The following SLC5A10 variants were observed in gnomAD, a reference collection of about 807,000 sequenced individuals.
SLC5A10 encodes sodium/mannose cotransporter SLC5A10.
Under a neutral mutation model 68.9 loss-of-function variants are expected in SLC5A10, and 55 were observed. That is an observed-to-expected ratio of 0.80 (90% CI 0.64 to 1.00). The LOEUF is 1.00. Ranked by LOEUF, SLC5A10 falls within the 50% of genes least tolerant of loss-of-function variation. The pLI is 0.00. For synonymous variants in SLC5A10, 344 were observed against 344.8 expected (o/e 1.00, Z 0.02); for missense variants, 732 against 819.3 (o/e 0.89, Z 1.30).
intron 10 of SLC5A10, 68 bp from the exon 11 acceptor site, chr17:19,014,981 C>T (rs946597184): frequency 2.4e-5 from 37 of 1,554,672 alleles, no homozygotes; most frequent in Non-Finnish European, 3.0e-5. Context: ...CATTAGAGCC[C>T]AGGCGGGAGG....
intron 1 of SLC5A10, among the ~76,000 whole-genome samples, chr17:18,955,838 G>T (rs2042486916): frequency 6.6e-6 from 1 of 152,216 alleles, no homozygotes; most frequent in African/African-American, 2.4e-5. Flanking sequence ...GAGATGGGGA[G>T]ATCACGTGAG....
At chr17:18,984,709 C>T (rs2043225525) in intron 9 of SLC5A10, among the ~76,000 whole-genome samples, 1 of 152,260 alleles carries the variant, frequency 6.6e-6, no homozygotes, top group Non-Finnish European at 1.5e-5. Context: ...CCCAGCCTGT[C>T]TCTGGTTGGC....
chr17:19,006,677 C>A (rs2043899857), intron 9 of SLC5A10, among the ~76,000 whole-genome samples: 1 of 152,200 alleles, frequency 6.6e-6, no homozygotes, highest in Non-Finnish European at 1.5e-5. Flanking sequence ...TAGCCATCCC[C>A]ACACCTCCCC....
At chr17:19,010,219 G>A (rs568075262) in intron 9 of SLC5A10, among the ~76,000 whole-genome samples, 2 of 152,294 alleles carry the variant, frequency 1.3e-5, no homozygotes, top group East Asian at 3.9e-4. Context: ...GGCACAGCAA[G>A]GAGGTAGTGC....
intron 1 of SLC5A10, chr17:18,953,583 G>A (rs4924949): frequency 0.5 from 76,728 of 152,444 alleles, 19,722 homozygotes; most frequent in African/African-American, 0.62. Context: ...TGCTATCAAG[G>A]GGCCCACACA....
intron 9 of SLC5A10, among the ~76,000 whole-genome samples, chr17:18,983,427 G>C (rs1180615239): frequency 3.3e-5 from 5 of 152,228 alleles, no homozygotes; most frequent in African/African-American, 4.8e-5. Context: ...TTTTATAATG[G>C]AAGCCAGTGA....
At chr17:18,957,415 G>T (rs1249065917) in intron 1 of SLC5A10, among the ~76,000 whole-genome samples, 1 of 152,152 alleles carries the variant, frequency 6.6e-6, no homozygotes, top group Non-Finnish European at 1.5e-5. Context: ...TATAAAAGTT[G>T]AGATAAAATT....
chr17:18,981,616 G>T lies in SLC5A10; in HGVS notation c.982+4627G>T, dbSNP rs149363891. ...TTCCGTGTCCCAGACCCCTGTGGCT[G>T]GGGTGGCCCCAGGCAAGCAACCACA... On this transcript the variant is annotated intron_variant, in intron 9 of 14. Coordinates refer to ENST00000395645, the MANE Select transcript of SLC5A10 (RefSeq NM_001042450.4). Among the ~76,000 whole-genome samples the T allele has an allele frequency of 4.2e-3, 644 of 152,330 alleles. 11 individuals carry two copies. The highest frequency in any genetic ancestry group is 0.036 in the Admixed American group (552 of 15,310).
At chr17:19,015,465 T>C (rs1230132539) in intron 11 of SLC5A10, among the ~76,000 whole-genome samples, 1 of 152,100 alleles carries the variant, frequency 6.6e-6, no homozygotes, top group Non-Finnish European at 1.5e-5. Flanking sequence ...TCCCCAACCA[T>C]GCCACAGATC....
At chr17:18,952,523 T>A in intron 1 of SLC5A10, 1 of 554,140 alleles carries the variant, frequency 1.8e-6, no homozygotes, top group Non-Finnish European at 3.1e-6. Flanking sequence ...GGCGTCTCCA[T>A]CTGCAAAGTG....
rs999491495 is a variant in SLC5A10, at chr17:19,016,802, A to G, written c.1241+1603A>G. ...CCTCAGAAGCTGTGTGGCCTGGGGAAGACCCTGCCCCTCTCTGACCATGTG... is the reference window on the plus strand; with the variant it reads ...CCTCAGAAGCTGTGTGGCCTGGGGAGGACCCTGCCCCTCTCTGACCATGTG... On this transcript the variant is annotated intron_variant, in intron 11 of 14. Coordinates refer to ENST00000395645, the MANE Select transcript of SLC5A10 (RefSeq NM_001042450.4). Among the ~76,000 whole-genome samples, 5 of 152,212 alleles carry G rather than the reference A, an allele frequency of 3.3e-5. No homozygotes were observed. The South Asian group carries it at 1.0e-3, about 32-fold the overall frequency.
intron 9 of SLC5A10, among the ~76,000 whole-genome samples, chr17:18,999,424 G>T (rs1485589601): frequency 1.3e-5 from 2 of 152,222 alleles, no homozygotes. Flanking sequence ...CTCAGGGCCT[G>T]CAGACTGGGG....
chr17:19,007,235 T>C (rs1472959214), intron 9 of SLC5A10, among the ~76,000 whole-genome samples: 1 of 149,684 alleles, frequency 6.7e-6, no homozygotes, highest in Non-Finnish European at 1.5e-5. Flanking sequence ...GTAGATCATA[T>C]CTTATTGTGG....
chr17:19,001,203 C>T (rs1254987620), intron 9 of SLC5A10, among the ~76,000 whole-genome samples: 2 of 152,254 alleles, frequency 1.3e-5, no homozygotes, highest in South Asian at 4.1e-4. Context: ...CCACACAAGC[C>T]TGGGCCACAG....
intron 9 of SLC5A10, among the ~76,000 whole-genome samples, chr17:19,008,813 ATTTTTT>A (rs1207007118): frequency 6.8e-6 from 1 of 146,060 alleles, no homozygotes; most frequent in South Asian, 2.1e-4. Flanking sequence ...TATTATTATT[ATTTTTT>A]TTTTTTTTTT....
intron 9 of SLC5A10, among the ~76,000 whole-genome samples, chr17:19,006,143 C>T (rs935731008): frequency 2.0e-4 from 30 of 152,188 alleles, no homozygotes; most frequent in African/African-American, 6.8e-4. Context: ...TCCCCAGTAG[C>T]GACGTTTTGC....
Position 19,003,474 on chromosome 17 carries a change from G to C in SLC5A10, c.983-9936G>C, listed in dbSNP as rs776509968. 1.5e-5 allele frequency: 22 copies of C among 1,498,554 alleles called. 1 individual carries two copies. In the East Asian group the frequency reaches 5.0e-4, roughly 34 times the overall value. The allele number at this position is 1,498,554 out of a possible 1,614,324, so 92.8% of individuals were successfully genotyped here. On this transcript the variant is annotated intron_variant, in intron 9 of 14. Transcript: ENST00000395645. The surrounding 1 kb of genome is among the most constrained non-coding windows in gnomAD (Gnocchi z 4.5). ...AGTGAGCCTGTATTGAGAGGGGTCC[G>C]GTGGCTGGTTGGGCCATGGCTCCAG...
intron 13 of SLC5A10, 44 bp from the exon 14 acceptor site, chr17:19,020,111 T>TCCCCTCCCCCCCCC: frequency 3.6e-6 from 1 of 276,316 alleles, no homozygotes; most frequent in South Asian, 3.1e-5. Context: ...ACCCCCACCC[T>TCCCCTCCCCCCCCC]GCCATCCCCC....
At chr17:19,012,619 C>T (rs1013884195) in intron 9 of SLC5A10, among the ~76,000 whole-genome samples, 25 of 152,194 alleles carry the variant, frequency 1.6e-4, no homozygotes, top group Non-Finnish European at 4.4e-5. Context: ...GGAGGCAGTC[C>T]TCAGGCGAGG....
Sources: allele counts gnomAD v4.1 joint callset (sites outside exome capture counted in the v4.1 genomes callset), GRCh38; gene constraint gnomAD v4.1.1; non-coding constraint Gnocchi (gnomAD v3.1); transcripts MANE v1.5; gene names NCBI Gene and HGNC (gene_info 2026-07-23, HGNC 2026-07-21).